Variants in ROBO1 observed in about 807,000 individuals in gnomAD.
ROBO1 encodes roundabout homolog 1.
ROBO1 carries 149 observed loss-of-function variants against 195.9 expected under a neutral mutation model. The observed-to-expected ratio is 0.76, with a 90% CI of 0.67 to 0.87. The LOEUF (loss-of-function observed/expected upper bound fraction) is 0.87. ROBO1 is among the 40% of genes least tolerant of loss of function. ROBO1 has a pLI of 0.00. For missense variants in ROBO1, 1,933 were observed against 2,068.3 expected, an observed-to-expected ratio of 0.93 and a Z score of 1.27; for synonymous variants, 816 against 733.2, an observed-to-expected ratio of 1.11 and a Z score of -1.82.
intron 2 of ROBO1, among the ~76,000 whole-genome samples, chr3:79,359,507 T>C (rs1261622255): frequency 6.6e-6 from 1 of 152,036 alleles, no homozygotes; most frequent in Non-Finnish European, 1.5e-5. Flanking sequence ...CTAAAAACAT[T>C]TCTTGTCAAC....
chr3:79,242,821 C>A lies in ROBO1; in HGVS notation c.89-117282G>T, dbSNP rs543501922. On this transcript the variant is annotated intron_variant, in intron 2 of 30. Transcript: ENST00000464233. The stretch of plus-strand genomic sequence containing the variant: ...TGTCTGTGATGTCCCAGCCACTTAA[C>A]CCTCACTATTTCTTTCTTTTTTCAT... 1.3e-4 allele frequency among the ~76,000 whole-genome samples: 20 copies of A among 151,788 alleles called. No individual in the cohort carries two copies. In the South Asian group the frequency reaches 4.0e-3, roughly 30 times the overall value.
At chr3:79,568,182 A>C (rs973064503) in intron 2 of ROBO1, among the ~76,000 whole-genome samples, 1 of 152,176 alleles carries the variant, frequency 6.6e-6, no homozygotes, top group East Asian at 1.9e-4. Context: ...GTTAACAACA[A>C]CAACAACAAA....
At chr3:79,451,972 A>G (rs2039456048) in intron 2 of ROBO1, among the ~76,000 whole-genome samples, 1 of 151,874 alleles carries the variant, frequency 6.6e-6, no homozygotes, top group African/African-American at 2.4e-5. Flanking sequence ...TCATGCTATT[A>G]TTATTATTCA....
At chr3:79,462,710 G>C (rs1448137655) in intron 2 of ROBO1, among the ~76,000 whole-genome samples, 1 of 152,032 alleles carries the variant, frequency 6.6e-6, no homozygotes, top group East Asian at 1.9e-4. Context: ...TTTGAAGTTT[G>C]CTGGCAGTGT....
rs138988687 is a variant in ROBO1 at position 78,972,599 on chromosome 3, T to C, written c.173-33672A>G. The stretch of plus-strand genomic sequence containing the variant: ...TCCATTCATGATTCGTTTTCTTTCA[T>C]GGATTGGTTTAAAAGATTATTAAAA... On this transcript the variant is annotated intron_variant, in intron 3 of 30. Coordinates refer to ENST00000464233, the MANE Select transcript of ROBO1 (RefSeq NM_002941.4). Among the ~76,000 whole-genome samples, 99 of 152,364 alleles carry C rather than the reference T, an allele frequency of 6.5e-4. No homozygotes were observed. The East Asian group carries it at 0.014, about 22-fold the overall frequency.
chr3:79,571,502 A>G (rs1256130025), intron 2 of ROBO1, among the ~76,000 whole-genome samples: 2 of 152,126 alleles, frequency 1.3e-5, no homozygotes, highest in African/African-American at 4.8e-5. Flanking sequence ...TATACCATTT[A>G]GTGTGATCAA....
intron 3 of ROBO1, among the ~76,000 whole-genome samples, chr3:79,030,222 T>A (rs192385954): frequency 1.3e-5 from 2 of 152,174 alleles, no homozygotes; most frequent in Non-Finnish European, 2.9e-5. Flanking sequence ...TCCCTCCCCA[T>A]TGACATTCTG....
intron 1 of ROBO1, among the ~76,000 whole-genome samples, chr3:79,701,715 T>C (rs528917097): frequency 4.0e-4 from 60 of 151,730 alleles, no homozygotes; most frequent in Non-Finnish European, 6.5e-4. Context: ...GGATATTGAG[T>C]GATTGTCTAG....
chr3:78,991,934 T>C (rs1339802249), intron 3 of ROBO1, among the ~76,000 whole-genome samples: 5 of 151,814 alleles, frequency 3.3e-5, no homozygotes, highest in African/African-American at 4.8e-5. Flanking sequence ...AGATATTCTA[T>C]CTACAAAAAA....
chr3:79,154,594 C>T (rs999341395), intron 2 of ROBO1, among the ~76,000 whole-genome samples: 2 of 151,632 alleles, frequency 1.3e-5, no homozygotes, highest in Non-Finnish European at 3.0e-5. Context: ...TACTGTCCCT[C>T]GATGCAGATA....
Position 79,018,767 on chromosome 3 carries a change from T to C in ROBO1, c.173-79840A>G, listed in dbSNP as rs2078022433. The C allele has an allele frequency of 3.6e-6, 4 of 1,121,176 alleles. 1 individual carries two copies. The South Asian group carries it at 8.6e-5, about 24-fold the overall frequency. The allele number at this position is 1,121,176 out of a possible 1,614,324, so 69.5% of individuals were successfully genotyped here. On this transcript the variant is annotated intron_variant, in intron 3 of 30. Coordinates refer to ENST00000464233, the MANE Select transcript of ROBO1 (RefSeq NM_002941.4). ...AAGAGCCGAGGCAGAAGCGCAGTAGTGCCGTTTCCTGCCTCCACGGTCTTG... is the reference window on the plus strand; with the variant it reads ...AAGAGCCGAGGCAGAAGCGCAGTAGCGCCGTTTCCTGCCTCCACGGTCTTG...
chr3:78,921,336 C>CAT (rs1023929449), intron 4 of ROBO1, among the ~76,000 whole-genome samples: 8 of 152,070 alleles, frequency 5.3e-5, no homozygotes, highest in African/African-American at 1.2e-4. Context: ...GGCAATTATG[C>CAT]ATATATATAT....
intron 2 of ROBO1, among the ~76,000 whole-genome samples, chr3:79,556,209 G>C (rs914049632): frequency 2.6e-5 from 4 of 151,854 alleles, no homozygotes; most frequent in African/African-American, 9.7e-5. Flanking sequence ...TCAAATCTAA[G>C]TTATCACTAT....
chr3:79,759,122 T>C (rs946322958), intron 1 of ROBO1, among the ~76,000 whole-genome samples: 2 of 152,204 alleles, frequency 1.3e-5, no homozygotes, highest in African/African-American at 4.8e-5. Context: ...GCATGCTTGT[T>C]TAGTATGAGG....
At chr3:78,786,524 A>G (rs1458702371) in intron 4 of ROBO1, among the ~76,000 whole-genome samples, 1 of 152,076 alleles carries the variant, frequency 6.6e-6, no homozygotes, top group Non-Finnish European at 1.5e-5. Context: ...CCCCACCCCA[A>G]TCTCATCTTG....
chr3:78,772,087 T>C (rs1340880363), intron 4 of ROBO1, among the ~76,000 whole-genome samples: 3 of 152,120 alleles, frequency 2.0e-5, no homozygotes, highest in African/African-American at 7.2e-5. Flanking sequence ...GTAATAAATT[T>C]TCCAAATCTA....
intron 2 of ROBO1, among the ~76,000 whole-genome samples, chr3:79,498,918 T>C (rs1009826131): frequency 6.0e-5 from 9 of 150,474 alleles, no homozygotes; most frequent in Admixed American, 5.9e-4. Flanking sequence ...AAAATGAATA[T>C]TTAGTCAACT....
intron 25 of ROBO1, 64 bp downstream of exon 25, chr3:78,631,097 T>G: frequency 6.6e-7 from 1 of 1,520,122 alleles, no homozygotes; most frequent in Non-Finnish European, 8.9e-7. Context: ...AGTATAATAA[T>G]TGCTGAAAAT....
intron 3 of ROBO1, among the ~76,000 whole-genome samples, chr3:79,000,747 T>C (rs1426833251): frequency 1.3e-5 from 2 of 152,128 alleles, no homozygotes; most frequent in Admixed American, 1.3e-4. Context: ...GAAATACCAT[T>C]TGACCCAGCC....
Sources: gnomAD v4.1 joint callset for allele counts (sites outside exome capture counted in the v4.1 genomes callset) on GRCh38, gnomAD v4.1.1 for gene constraint, MANE v1.5 for transcripts, NCBI Gene and HGNC (gene_info 2026-07-23, HGNC 2026-07-21) for gene names.